The following CEP89 variants were observed in gnomAD, a reference collection of about 807,000 sequenced individuals.
CEP89 encodes the protein centrosomal protein 89.
In CEP89, 95 loss-of-function variants were observed where a neutral mutation model predicts 97.6. The ratio of observed to expected loss-of-function variants is 0.97; its 90% CI spans 0.82 to 1.15. The LOEUF (loss-of-function observed/expected upper bound fraction) is 1.15, where lower values mean the gene tolerates loss of function less well. CEP89 is among the 50% of genes most tolerant of loss of function. The pLI, the probability that CEP89 is intolerant of heterozygous loss-of-function variation, is 0.00. For missense variants in CEP89, 869 were observed against 947.7 expected (o/e 0.92, Z 1.09); for synonymous variants, 354 against 349.1 (o/e 1.01, Z -0.16).
At chr19:32,959,268 C>T (rs17528328) in intron 3 of CEP89, among the ~76,000 whole-genome samples, 29,293 of 151,780 alleles carry the variant, frequency 0.19, 2,895 homozygotes, top group African/African-American at 0.23. Context: ...CACACTCCCT[C>T]GTTTCTGTCT....
chr19:32,943,735 G>C (rs537206662), intron 5 of CEP89, among the ~76,000 whole-genome samples: 11 of 152,224 alleles, frequency 7.2e-5, no homozygotes, highest in East Asian at 5.8e-4. Flanking sequence ...GTGGCAGGAA[G>C]GAACACCACA....
chr19:32,887,792 T>A lies in CEP89; in HGVS notation c.1925A>T (p.Lys642Ile). ...EKDGVLNKVI[K>I]SNIRLGKLEE... Reference sequence around the variant, plus strand: ...TAACTTTCCCAGGCGAATGTTGCTTTTTATGACTTTATTAAGCACTCCATC... The same window carrying A: ...TAACTTTCCCAGGCGAATGTTGCTTATTATGACTTTATTAAGCACTCCATC... The change falls in exon 17 of 19, where the codon AAA becomes ATA. Residue 642 changes from lysine to isoleucine, a missense_variant. By Grantham distance (102) the Lys-to-Ile change is moderately radical. Coordinates refer to ENST00000305768, the MANE Select transcript of CEP89 (RefSeq NM_032816.5). The A allele has an allele frequency of 1.2e-6, 2 of 1,613,740 alleles. No individual in the cohort carries two copies. Among genetic ancestry groups the A allele is most frequent in the Non-Finnish European group, 8.5e-7 (1 of 1,179,606 alleles).
chr19:32,934,685 A>G (rs1326432931), intron 7 of CEP89, among the ~76,000 whole-genome samples: 1 of 152,228 alleles, frequency 6.6e-6, no homozygotes, highest in African/African-American at 2.4e-5. Context: ...TCCCAGAGAT[A>G]AAACAGTTGA....
At position 32,899,992 on chromosome 19, in the gene CEP89, A is replaced by C; in HGVS notation, c.1740T>G (p.Ser580=). ...LERAQKINRK[S]QKKIEVLKKQ... The stretch of plus-strand genomic sequence containing the variant: ...TTTTGAGGACCTCAATTTTCTTTTG[A>C]GATTTCCTAGAGAGTTACCCCAAAT... Residue 580 remains serine, a synonymous_variant, in exon 16 of 19, where the codon TCT becomes TCG. Coordinates refer to ENST00000305768, the MANE Select transcript of CEP89 (RefSeq NM_032816.5). The C allele has an allele frequency of 6.2e-7, 1 of 1,613,868 alleles. No individual in the cohort carries two copies. Among genetic ancestry groups the C allele is most frequent in the East Asian group, 2.2e-5 (1 of 44,878 alleles).
In CEP89 at chr19:32,929,273, A is replaced by G. The variant is rs138304138; in HGVS notation, c.1029+2156T>C. Among the ~76,000 whole-genome samples, 5 of 152,324 alleles carry G rather than the reference A, an allele frequency of 3.3e-5. No homozygotes were observed. The East Asian group carries it at 9.6e-4, about 29-fold the overall frequency. ...TAGGGTAGAATGCTATAAGTGCCTT[A>G]AGAGTGATTACAAACAAAAGTCTGC... On this transcript the variant is annotated intron_variant, in intron 9 of 18. Transcript: ENST00000305768.
chr19:32,966,567 GC>G, intron 1 of CEP89, 101 bp from the exon 2 acceptor site: 1 of 550,332 alleles, frequency 1.8e-6, no homozygotes, highest in Non-Finnish European at 3.0e-6. Flanking sequence ...ACCTGCACTG[GC>G]CACCCATGGA....
chr19:32,955,257 C>A (rs1971022820), intron 3 of CEP89, among the ~76,000 whole-genome samples: 1 of 152,148 alleles, frequency 6.6e-6, no homozygotes, highest in South Asian at 2.1e-4. Context: ...CCACCTCAAC[C>A]TCCCAAAGTG....
At chr19:32,913,315 TGTTGTTGTTG>T (rs1298073558) in intron 14 of CEP89, among the ~76,000 whole-genome samples, 1,717 of 36,068 alleles carry the variant, frequency 0.048, 20 homozygotes, top group Non-Finnish European at 0.075. Flanking sequence ...ATTTTTTTGT[TGTTGTTGTTG>T]TTGTTGTTGT....
Position 32,918,344 on chromosome 19 carries a change from A to G in CEP89, c.1269-5T>C. ...GCTTGAGTCTGAAGCTGACGCCTGC[A>G]ATTGATTTACAAGATGAAATACTGT... On this transcript the variant is annotated splice_region_variant and splice_polypyrimidine_tract_variant and intron_variant, in intron 12 of 18. Transcript: ENST00000305768. The G allele has an allele frequency of 6.2e-7, 1 of 1,602,516 alleles. No individual in the cohort carries two copies. Among genetic ancestry groups the G allele is most frequent in the Non-Finnish European group, 8.6e-7 (1 of 1,169,390 alleles).
At chr19:32,905,726 C>T (rs1969874811) in intron 14 of CEP89, among the ~76,000 whole-genome samples, 1 of 152,080 alleles carries the variant, frequency 6.6e-6, no homozygotes, top group Admixed American at 6.6e-5. Flanking sequence ...GTATTGTTGT[C>T]TGTTCTGTTT....
intron 5 of CEP89, among the ~76,000 whole-genome samples, chr19:32,947,441 C>A (rs1257233474): frequency 6.6e-6 from 1 of 152,050 alleles, no homozygotes; most frequent in Non-Finnish European, 1.5e-5. Context: ...AAAAACAGCA[C>A]CTTGTACTTT....
intron 12 of CEP89, among the ~76,000 whole-genome samples, chr19:32,921,221 CA>C (rs35581184): frequency 7.5e-5 from 10 of 134,146 alleles, no homozygotes; most frequent in Non-Finnish European, 8.0e-5. Context: ...GACTCTGTCT[CA>C]AAAAAAAAAA....
chr19:32,911,607 G>A (rs1489339432), intron 14 of CEP89, among the ~76,000 whole-genome samples: 4 of 152,294 alleles, frequency 2.6e-5, no homozygotes, highest in South Asian at 2.1e-4. Flanking sequence ...AGCCAAGATC[G>A]TACCACTGCA....
chr19:32,936,114 G>A lies in CEP89; in HGVS notation c.667+1517C>T, dbSNP rs1026587485. Reference sequence around the variant, plus strand: ...GGCCTGGGAAGGCTCCCGTGTCCCCGCAGGCTTATGGGTGTTTGCTCTAGC... The same window carrying A: ...GGCCTGGGAAGGCTCCCGTGTCCCCACAGGCTTATGGGTGTTTGCTCTAGC... On this transcript the variant is annotated intron_variant, in intron 7 of 18. Coordinates refer to ENST00000305768, the MANE Select transcript of CEP89 (RefSeq NM_032816.5). This position sits in a 1 kb window ranked among gnomAD's most constrained non-coding sequence, Gnocchi z 4.5. 1.3e-5 allele frequency among the ~76,000 whole-genome samples: 2 copies of A among 152,080 alleles called. No homozygotes were observed. Among genetic ancestry groups the A allele is most frequent in the Non-Finnish European group, 1.5e-5 (1 of 67,988 alleles).
chr19:32,887,219 G>C (rs555777728), intron 17 of CEP89, among the ~76,000 whole-genome samples: 1 of 151,264 alleles, frequency 6.6e-6, no homozygotes, highest in Non-Finnish European at 1.5e-5. Flanking sequence ...GTTTTGTTTT[G>C]GTTTTGGTTT....
At chr19:32,929,837 G>A (rs1229334945) in intron 9 of CEP89, among the ~76,000 whole-genome samples, 2 of 152,124 alleles carry the variant, frequency 1.3e-5, no homozygotes, top group African/African-American at 2.4e-5. Flanking sequence ...ATTATGTTAA[G>A]TGAAAGAAGT....
chr19:32,971,648 C>A (rs1370077555), intron 1 of CEP89, 188 bp downstream of exon 1: 3 of 615,814 alleles, frequency 4.9e-6, no homozygotes, highest in South Asian at 3.9e-5. Context: ...CAGAGCGAGA[C>A]CCTGTTTCTT....
chr19:32,908,665 C>A (rs1969939068), intron 14 of CEP89, among the ~76,000 whole-genome samples: 1 of 152,158 alleles, frequency 6.6e-6, no homozygotes, highest in Admixed American at 6.5e-5. Context: ...GGCAAGGGAG[C>A]AGAAGTGCCC....
At position 32,933,647 on chromosome 19, in the gene CEP89, T is replaced by C. The variant is rs745378513; in HGVS notation, c.690A>G (p.Gln230=). Residue 230 remains glutamine (Q), a synonymous_variant, in exon 8 of 19, where the codon CAA becomes CAG. Coordinates refer to ENST00000305768, the MANE Select transcript of CEP89 (RefSeq NM_032816.5). ...PSPDITGRAR[Q]RYTEITREKF... Reference sequence around the variant, plus strand: ...TTTCTCTGGTTATTTCTGTATATCTTTGACGTGCTCTACCAGTTATATCTG... The same window carrying C: ...TTTCTCTGGTTATTTCTGTATATCTCTGACGTGCTCTACCAGTTATATCTG... 3 of 1,610,844 alleles carry C rather than the reference T, an allele frequency of 1.9e-6. No homozygotes were observed. Among genetic ancestry groups the C allele is most frequent in the Non-Finnish European group, 2.5e-6 (3 of 1,177,118 alleles).
Sources: allele counts gnomAD v4.1 joint callset (sites outside exome capture counted in the v4.1 genomes callset), GRCh38; gene constraint gnomAD v4.1.1; non-coding constraint Gnocchi (gnomAD v3.1); transcripts MANE v1.5; gene names NCBI Gene and HGNC (gene_info 2026-07-23, HGNC 2026-07-21).